Variants in DYRK1A observed in about 807,000 individuals in gnomAD.
DYRK1A encodes dual specificity tyrosine phosphorylation regulated kinase 1A, also known as dual specificity tyrosine-phosphorylation-regulated kinase 1A.
In DYRK1A, 9 loss-of-function variants were observed where a neutral mutation model predicts 79.7. The ratio of observed to expected loss-of-function variants is 0.11; its 90% confidence interval spans 0.07 to 0.20. The LOEUF (loss-of-function observed/expected upper bound fraction) is 0.20. Among genes scored for constraint, DYRK1A ranks in the 10% least tolerant of loss-of-function variants. The pLI is 1.00. For synonymous variants in DYRK1A, 349 were observed against 329.7 expected (o/e 1.06, Z -0.63); for missense variants, 622 against 956.0 (o/e 0.65, Z 4.61).
chr21:37,478,060 T>C, intron 3 of DYRK1A, 148 bp from the exon 4 acceptor site: 2 of 1,067,646 alleles, frequency 1.9e-6, no homozygotes, highest in East Asian at 2.6e-5. Context: ...AAGGGAACTT[T>C]GAGAGAGAAT....
intron 2 of DYRK1A, among the ~76,000 whole-genome samples, chr21:37,438,638 A>G (rs544469063): frequency 6.6e-6 from 1 of 152,254 alleles, no homozygotes; most frequent in South Asian, 2.1e-4. Flanking sequence ...TCTTCCATAT[A>G]TGTGTGGGTC....
At chr21:37,479,594 GTTTTTGTTTTTGTTTTTGTTTTTTGT>G (rs2052531605) in intron 4 of DYRK1A, among the ~76,000 whole-genome samples, 1 of 24,292 alleles carries the variant, frequency 4.1e-5, no homozygotes, top group African/African-American at 2.3e-4. Flanking sequence ...TTGGTGTTTT[GTTTTTGTTTTTGTTTTTGTTTTTTGT>G]TTTTTTTTTT....
rs1224120379 is a variant in DYRK1A, at chr21:37,518,555, A to G, written c.*6024A>G. The stretch of plus-strand genomic sequence containing the variant: ...TGCGGGCCATTCTGAACCTGCAGCC[A>G]GGCAGGACTCTGGCAAGAAGAGGCG... On this transcript the variant is annotated 3_prime_UTR_variant, in exon 12 of 12. Transcript: ENST00000647188. 6.6e-6 allele frequency: 1 copy of G among 151,178 alleles called. No individual in the cohort carries two copies. The highest frequency in any genetic ancestry group is 1.5e-5 in the Non-Finnish European group (1 of 67,960). 9.4% of individuals were successfully genotyped at this position (151,178 alleles called of 1,614,324 possible).
intron 1 of DYRK1A, among the ~76,000 whole-genome samples, chr21:37,402,110 C>T (rs550956555): frequency 1.3e-5 from 2 of 152,182 alleles, no homozygotes; most frequent in African/African-American, 4.8e-5. Context: ...ACATTATGTA[C>T]AATTTTATTA....
At chr21:37,493,525 G>A (rs1289090160) in intron 8 of DYRK1A, among the ~76,000 whole-genome samples, 1 of 152,202 alleles carries the variant, frequency 6.6e-6, no homozygotes, top group Non-Finnish European at 1.5e-5. Context: ...ATGATTTGGA[G>A]TTGAAGAGTA....
chr21:37,434,483 G>A (rs1199649662), intron 2 of DYRK1A, among the ~76,000 whole-genome samples: 4 of 152,182 alleles, frequency 2.6e-5, no homozygotes, highest in African/African-American at 4.8e-5. Flanking sequence ...TCAGAACACT[G>A]ATGTTCTTTA....
intron 2 of DYRK1A, among the ~76,000 whole-genome samples, chr21:37,467,998 C>T (rs1035087611): frequency 2.6e-5 from 4 of 152,172 alleles, no homozygotes; most frequent in African/African-American, 9.7e-5. Context: ...TTCTGTTGGG[C>T]ACCACCATTC....
intron 1 of DYRK1A, among the ~76,000 whole-genome samples, chr21:37,404,434 G>C (rs928302818): frequency 1.3e-5 from 2 of 152,130 alleles, no homozygotes; most frequent in African/African-American, 2.4e-5. Flanking sequence ...TGTGGCTCAG[G>C]TTGTTTCACC....
At chr21:37,393,323 C>T (rs1249404771) in intron 1 of DYRK1A, among the ~76,000 whole-genome samples, 1 of 152,150 alleles carries the variant, frequency 6.6e-6, no homozygotes, top group East Asian at 1.9e-4. Context: ...TCAGAAACTC[C>T]ACTCTCTGTT....
chr21:37,367,345 C>T lies in DYRK1A; in HGVS notation c.-360C>T, dbSNP rs1483709883. On this transcript the variant is annotated 5_prime_UTR_variant, in exon 1 of 12. Transcript: ENST00000647188. Reference sequence around the variant, plus strand: ...CGCCCGGCCTCGCCGACGCCGCCCTCTGCGCCGGGCCGGCCGTGCGGCCCC... The same window carrying T: ...CGCCCGGCCTCGCCGACGCCGCCCTTTGCGCCGGGCCGGCCGTGCGGCCCC... 7.3e-3 allele frequency: 3 copies of T among 410 alleles called. No individual in the cohort carries two copies. The highest frequency in any genetic ancestry group is 0.014 in the Non-Finnish European group (3 of 222). 0.0% of individuals were successfully genotyped at this position (410 alleles called of 1,614,324 possible).
Position 37,460,163 on chromosome 21 carries a change from A to G in DYRK1A, c.11-12521A>G, listed in dbSNP as rs186032207. Among the ~76,000 whole-genome samples, 11 of 151,482 alleles carry G rather than the reference A, an allele frequency of 7.3e-5. 1 individual carries two copies. The East Asian group carries it at 2.1e-3, about 29-fold the overall frequency. ...TAATGTTTCAAAAGATTTTTTTTGC[A>G]GTCATTTAAAATCAATTGTCAGTTA... On this transcript the variant is annotated intron_variant, in intron 2 of 11. Coordinates refer to ENST00000647188, the MANE Select transcript of DYRK1A (RefSeq NM_001347721.2).
intron 1 of DYRK1A, among the ~76,000 whole-genome samples, chr21:37,371,293 C>T (rs1289025016): frequency 2.0e-5 from 3 of 152,102 alleles, no homozygotes; most frequent in East Asian, 1.9e-4. Flanking sequence ...GAAGAAAGAT[C>T]TTATTTGTTA....
chr21:37,512,909 G>A lies in DYRK1A; in HGVS notation c.*378G>A, dbSNP rs190040597. On this transcript the variant is annotated 3_prime_UTR_variant, in exon 12 of 12. Transcript: ENST00000647188. ...AGGCACTGCACATAATTTGCATAAA[G>A]GGCCCCATGAGGGTGTTTTTTTTTT... is the stretch of plus-strand genomic sequence containing the variant. 408 of 155,810 alleles carry A rather than the reference G, an allele frequency of 2.6e-3. 2 individuals are homozygous for A. Among genetic ancestry groups the A allele is most frequent in the Admixed American group, 0.014 (215 of 15,328 alleles). 9.7% of individuals were successfully genotyped at this position (155,810 alleles called of 1,614,324 possible).
chr21:37,512,309 G>A lies in DYRK1A; in HGVS notation c.2043G>A (p.Leu681=). The change falls in exon 12 of 12, where the codon TTG becomes TTA. Residue 681 remains leucine, a synonymous_variant. Transcript: ENST00000647188. ...YQNRPVAANT[L]DFGQNGAMDV... is the part of the protein sequence containing the mutation. ...ATCGCCCAGTGGCTGCTAATACCTT[G>A]GACTTTGGACAGAATGGAGCTATGG... 6.2e-7 allele frequency: 1 copy of A among 1,614,160 alleles called. No homozygotes were observed. The highest frequency in any genetic ancestry group is 1.1e-5 in the South Asian group (1 of 91,080).
At chr21:37,417,537 T>TTTTTTTC (rs2050376655) in intron 1 of DYRK1A, among the ~76,000 whole-genome samples, 17 of 107,388 alleles carry the variant, frequency 1.6e-4, no homozygotes, top group African/African-American at 5.0e-4. Flanking sequence ...TTCTTTTTTT[T>TTTTTTTC]TTTTTTTTTT....
chr21:37,506,316 T>G (rs2053597789), intron 11 of DYRK1A, 93 bp downstream of exon 11: 1 of 1,609,742 alleles, frequency 6.2e-7, no homozygotes. Flanking sequence ...GACCGTATCA[T>G]TTACCCTAGA....
chr21:37,495,007 T>A (rs2053217441), intron 8 of DYRK1A, among the ~76,000 whole-genome samples: 1 of 152,056 alleles, frequency 6.6e-6, no homozygotes, highest in Admixed American at 6.6e-5. Flanking sequence ...CACTATAACA[T>A]AAACTTCTTT....
At chr21:37,434,302 GTACTC>G (rs1451372828) in intron 2 of DYRK1A, among the ~76,000 whole-genome samples, 1 of 152,184 alleles carries the variant, frequency 6.6e-6, no homozygotes, top group African/African-American at 2.4e-5. Flanking sequence ...GAATGAATCT[GTACTC>G]TATTTAGGAG....
chr21:37,397,493 C>G (rs1164603453), intron 1 of DYRK1A, among the ~76,000 whole-genome samples: 3 of 152,312 alleles, frequency 2.0e-5, no homozygotes, highest in Middle Eastern at 3.4e-3. Flanking sequence ...TTGCTACACT[C>G]TGGTTTCTTA....
Sources: allele counts gnomAD v4.1 joint callset (sites outside exome capture counted in the v4.1 genomes callset), GRCh38; gene constraint gnomAD v4.1.1; transcripts MANE v1.5; gene names NCBI Gene and HGNC (gene_info 2026-07-23, HGNC 2026-07-21).